The following DHX16 variants were observed in gnomAD, a reference collection of about 807,000 sequenced individuals.
The protein encoded by DHX16 is pre-mRNA-splicing factor ATP-dependent RNA helicase DHX16.
Under a neutral mutation model 131.2 loss-of-function variants are expected in DHX16, and 81 were observed. That is an observed-to-expected ratio of 0.62 (90% CI 0.52 to 0.74). The LOEUF is 0.74. Among genes scored for constraint, DHX16 ranks in the 30% least tolerant of loss-of-function variants. DHX16 has a pLI of 0.00. For missense variants in DHX16, 980 were observed against 1,363.1 expected, an observed-to-expected ratio of 0.72 and a Z score of 4.43; for synonymous variants, 440 against 520.2, an observed-to-expected ratio of 0.85 and a Z score of 2.10.
At position 30,672,752 on chromosome 6, in the gene DHX16, C is replaced by G. The variant is rs760589692; in HGVS notation, c.90G>C (p.Leu30=). The part of the protein sequence containing the change: ...GLSERHVAQF[L]IGTAQRCTSA... ...AGGTGCAGCGCTGTGCGGTACCGAT[C>G]AGAAACTGGGCGACGTGCCGCTCGC... Residue 30 remains leucine, a synonymous_variant, in exon 1 of 20, where the codon CTG becomes CTC. Transcript: ENST00000376442. The G allele has an allele frequency of 1.3e-5, 21 of 1,612,966 alleles. 2 individuals are homozygous for G. Among genetic ancestry groups the G allele is most frequent in the South Asian group, 6.6e-5 (6 of 91,088 alleles).
rs764969725 is a variant in DHX16 at position 30,664,997 on chromosome 6, G to A, written c.1126-5C>T. On this transcript the variant is annotated splice_polypyrimidine_tract_variant and splice_region_variant and intron_variant, in intron 6 of 19. Coordinates refer to ENST00000376442, the MANE Select transcript of DHX16 (RefSeq NM_003587.5). ...AGTGGGTGGAGCTGACGGCTCCTAA[G>A]GAAAGAGAAGGAGGTGTGAGCTAAA... 1.1e-5 allele frequency: 18 copies of A among 1,613,860 alleles called. No homozygotes were observed. The South Asian group carries it at 1.9e-4, about 17-fold the overall frequency.
Position 30,662,619 on chromosome 6 carries a change from A to C in DHX16, c.1544+8T>G. 23 of 1,605,530 alleles carry C rather than the reference A, an allele frequency of 1.4e-5. No individual in the cohort carries two copies. Among genetic ancestry groups the C allele is most frequent in the Non-Finnish European group, 1.9e-5 (22 of 1,173,114 alleles). ...AGAAGGGAGAGAAAGGCCAGAGATT[A>C]GAGATACCTGTAACTCGCCAGGTCA... On this transcript the variant is annotated splice_region_variant and intron_variant, in intron 9 of 19. Transcript: ENST00000376442. This position sits in a 1 kb window ranked among gnomAD's most constrained non-coding sequence, Gnocchi z 4.7.
chr6:30,656,944 A>C lies in DHX16; in HGVS notation c.2148+8T>G. 6.2e-7 allele frequency: 1 copy of C among 1,610,438 alleles called. No individual in the cohort carries two copies. Among genetic ancestry groups the C allele is most frequent in the Non-Finnish European group, 8.5e-7 (1 of 1,178,518 alleles). On this transcript the variant is annotated splice_region_variant and intron_variant, in intron 13 of 19. Coordinates refer to ENST00000376442, the MANE Select transcript of DHX16 (RefSeq NM_003587.5). The surrounding 1 kb of genome is among the most constrained non-coding windows in gnomAD (Gnocchi z 5.1). Reference sequence around the variant, plus strand: ...ACCTCCCCCACTCCCATGCATCCCCAGGCTGACCTTGCTGCAGGGTGTGAC... The same window carrying C: ...ACCTCCCCCACTCCCATGCATCCCCCGGCTGACCTTGCTGCAGGGTGTGAC...
Position 30,656,157 on chromosome 6 carries a change from C to T in DHX16, c.2498+41G>A, listed in dbSNP as rs1292873820. 4 of 1,598,998 alleles carry T rather than the reference C, an allele frequency of 2.5e-6. No homozygotes were observed. Among genetic ancestry groups the T allele is most frequent in the Non-Finnish European group, 2.6e-6 (3 of 1,169,820 alleles). On this transcript the variant is annotated intron_variant, in intron 16 of 19. Transcript: ENST00000376442. This position sits in a 1 kb window ranked among gnomAD's most constrained non-coding sequence, Gnocchi z 5.1. ...ACCCTGGAGACAGAGGAGGCCTGGC[C>T]TGTTTGTGTGCTGGGGGCCCAGGTG...
At chr6:30,660,552 C>G (rs1023895381) in intron 9 of DHX16, 12 of 329,572 alleles carry the variant, frequency 3.6e-5, no homozygotes, top group Non-Finnish European at 5.5e-5. Context: ...TCTGCTTAGA[C>G]TCAGCAGCTG....
Position 30,672,959 on chromosome 6 carries a change from G to C in DHX16, c.-118C>G. 6.4e-7 allele frequency: 1 copy of C among 1,553,686 alleles called. No homozygotes were observed. The highest frequency in any genetic ancestry group is 8.7e-7 in the Non-Finnish European group (1 of 1,148,080). ...CTCAGCTTCGCAAGTCAGCTACCTT[G>C]GGACCTCTAGGATCTTCCGACATCC... On this transcript the variant is annotated 5_prime_UTR_variant, in exon 1 of 20. Transcript: ENST00000376442.
intron 12 of DHX16, among the ~76,000 whole-genome samples, chr6:30,658,408 G>C (rs1768169443): frequency 6.6e-6 from 1 of 152,170 alleles, no homozygotes; most frequent in South Asian, 2.1e-4. Context: ...GCCAGGCGTG[G>C]TGGAGGGCAC....
intron 19 of DHX16, 40 bp downstream of exon 19, chr6:30,654,666 C>T (rs899420989): frequency 1.3e-6 from 2 of 1,575,722 alleles, no homozygotes; most frequent in Non-Finnish European, 1.7e-6. Context: ...CATCTCTCTA[C>T]ATAGTCTCCA....
At position 30,660,159 on chromosome 6, in the gene DHX16, C is replaced by T. The variant is rs765318569; in HGVS notation, c.1628G>A (p.Arg543Gln). The change falls in exon 10 of 20, where the codon CGA becomes CAA. Residue 543 changes from arginine (R) to glutamine (Q), a missense_variant. Arg to Gln is a conservative substitution (Grantham distance 43, BLOSUM62 1). Coordinates refer to ENST00000376442, the MANE Select transcript of DHX16 (RefSeq NM_003587.5). ...FGLIKDVARF[R>Q]PELKVLVASA... ...AGCCACCAGGACCTTGAGCTCAGGTCGGAAGCGAGCAACATCCTTGATCAA... is the reference window on the plus strand; with the variant it reads ...AGCCACCAGGACCTTGAGCTCAGGTTGGAAGCGAGCAACATCCTTGATCAA... The T allele has an allele frequency of 2.7e-5, 43 of 1,596,584 alleles. No homozygotes were observed. In the East Asian group the frequency reaches 5.6e-4, roughly 21 times the overall value.
Position 30,665,927 on chromosome 6 carries a change from G to A in DHX16, c.667-194C>T, listed in dbSNP as rs1769003922. Among the ~76,000 whole-genome samples the A allele has an allele frequency of 6.6e-6, 1 of 152,176 alleles. No homozygotes were observed. Among genetic ancestry groups the A allele is most frequent in the Admixed American group, 6.5e-5 (1 of 15,272 alleles). Reference sequence around the variant, plus strand: ...TGGGCCTCTTTGGATGCTACATGCTGACCCCACATCGTATCTTCCTGCAGC... The same window carrying A: ...TGGGCCTCTTTGGATGCTACATGCTAACCCCACATCGTATCTTCCTGCAGC... On this transcript the variant is annotated intron_variant, in intron 4 of 19. Transcript: ENST00000376442. The surrounding 1 kb of genome is among the most constrained non-coding windows in gnomAD (Gnocchi z 4.8).
Position 30,670,609 on chromosome 6 carries a change from C to T in DHX16, c.610-143G>A. 2.5e-6 allele frequency: 3 copies of T among 1,192,332 alleles called. No homozygotes were observed. The highest frequency in any genetic ancestry group is 2.4e-6 in the Non-Finnish European group (2 of 844,726). The allele number at this position is 1,192,332 out of a possible 1,614,324, so 73.9% of individuals were successfully genotyped here. On this transcript the variant is annotated intron_variant, in intron 3 of 19. Transcript: ENST00000376442. The surrounding 1 kb of genome is among the most constrained non-coding windows in gnomAD (Gnocchi z 4.4). ...TCTCAGTGAGGAATCTCTCTGATTG[C>T]AGGTACAGCAGACAGTTGTCTTAGC...
At position 30,653,359 on chromosome 6, in the gene DHX16, A is replaced by C; in HGVS notation, c.3009T>G (p.Ile1003Met). Residue 1003 changes from isoleucine to methionine, a missense_variant, in exon 20 of 20, where the codon ATT (isoleucine) becomes ATG (methionine). By Grantham distance (10) the Ile-to-Met change is conservative. This residue lies in a region of DHX16 where 214 missense variants were observed against 271.2 expected (regional missense o/e 0.79). Transcript: ENST00000376442. ...TKEFMRQVLE[I>M]ESSWLLEVAP... Reference sequence around the variant, plus strand: ...CCACCTCCAGAAGCCAACTGCTCTCAATCTCCAGTACCTAGGAGAGAGAAA... The same window carrying C: ...CCACCTCCAGAAGCCAACTGCTCTCCATCTCCAGTACCTAGGAGAGAGAAA... 6.2e-7 allele frequency: 1 copy of C among 1,612,578 alleles called. No homozygotes were observed. The highest frequency in any genetic ancestry group is 1.1e-5 in the South Asian group (1 of 90,976).
intron 7 of DHX16, among the ~76,000 whole-genome samples, chr6:30,664,392 C>T (rs1364271749): frequency 6.7e-6 from 1 of 150,346 alleles, no homozygotes; most frequent in Non-Finnish European, 1.5e-5. Flanking sequence ...CAGGAGAATT[C>T]CTTGAACCCA....
intron 4 of DHX16, among the ~76,000 whole-genome samples, chr6:30,666,153 G>A (rs1035975395): frequency 6.6e-6 from 1 of 152,218 alleles, no homozygotes; most frequent in Non-Finnish European, 1.5e-5. Flanking sequence ...AGAAACCAGT[G>A]AGGGGGCCAA....
Position 30,671,047 on chromosome 6 carries a change from C to T in DHX16, c.435G>A (p.Lys145=), listed in dbSNP as rs950072310. 1.9e-6 allele frequency: 3 copies of T among 1,613,080 alleles called. No homozygotes were observed. Among genetic ancestry groups the T allele is most frequent in the Non-Finnish European group, 2.5e-6 (3 of 1,180,030 alleles). The change falls in exon 2 of 20, where the codon AAG becomes AAA. Residue 145 remains lysine (K), a synonymous_variant. Transcript: ENST00000376442. The part of the protein sequence containing the change: ...EEEEEASEKG[K]KKTGGSKQQT... ...TGCTTCTGACTTACCCTGTTTTCTT[C>T]TTCCCTTTCTCAGAAGCCTCTTCCT...
rs541487833 is a variant in DHX16 at position 30,672,989 on chromosome 6, G to C, written c.-148C>G. On this transcript the variant is annotated 5_prime_UTR_variant, in exon 1 of 20. Coordinates refer to ENST00000376442, the MANE Select transcript of DHX16 (RefSeq NM_003587.5). Reference sequence around the variant, plus strand: ...CTCTAGGATCTTCCGACATCCCAAAGCTGTCTTCCCGTACCGCGGAGCCCG... The same window carrying C: ...CTCTAGGATCTTCCGACATCCCAAACCTGTCTTCCCGTACCGCGGAGCCCG... 4 of 1,551,100 alleles carry C rather than the reference G, an allele frequency of 2.6e-6. No homozygotes were observed. Among genetic ancestry groups the C allele is most frequent in the Non-Finnish European group, 3.5e-6 (4 of 1,146,816 alleles).
At chr6:30,666,283 G>A (rs1166532110) in intron 4 of DHX16, among the ~76,000 whole-genome samples, 1 of 152,224 alleles carries the variant, frequency 6.6e-6, no homozygotes, top group African/African-American at 2.4e-5. Flanking sequence ...GAGTGTTTCT[G>A]TAAGGCAAAT....
Position 30,670,734 on chromosome 6 carries a change from C to T in DHX16, c.609+56G>A. The T allele has an allele frequency of 1.2e-6, 2 of 1,606,152 alleles. No homozygotes were observed. Among genetic ancestry groups the T allele is most frequent in the Admixed American group, 1.7e-5 (1 of 59,960 alleles). ...TCACTATCTCTGCACTCACAGCCAA[C>T]CTCAGATTTCACCCTGGGATCTTGG... On this transcript the variant is annotated intron_variant, in intron 3 of 19. Coordinates refer to ENST00000376442, the MANE Select transcript of DHX16 (RefSeq NM_003587.5). This position sits in a 1 kb window ranked among gnomAD's most constrained non-coding sequence, Gnocchi z 4.4.
At chr6:30,672,565 C>T (rs1361268435) in intron 1 of DHX16, 70 bp downstream of exon 1, 4 of 1,399,466 alleles carry the variant, frequency 2.9e-6, no homozygotes, top group African/African-American at 2.8e-5. Context: ...GCTTTCTTAA[C>T]TTCTCGATGG....
Sources: gnomAD v4.1 joint callset for allele counts (sites outside exome capture counted in the v4.1 genomes callset) on GRCh38, gnomAD v4.1.1 for gene constraint, gnomAD v4.1.1 regional missense constraint, Gnocchi (gnomAD v3.1) non-coding constraint, MANE v1.5 for transcripts, NCBI Gene and HGNC (gene_info 2026-07-23, HGNC 2026-07-21) for gene names.